The following PRMT8 variants were observed in gnomAD, a reference collection of about 807,000 sequenced individuals.
PRMT8 encodes protein arginine N-methyltransferase 8.
PRMT8 carries 7 observed loss-of-function variants against 47.1 expected under a neutral mutation model. The observed-to-expected ratio is 0.15, with a 90% confidence interval of 0.08 to 0.28. The LOEUF (loss-of-function observed/expected upper bound fraction) is 0.28, where lower values mean the gene tolerates loss of function less well. Ranked by LOEUF, PRMT8 falls within the 10% of genes least tolerant of loss-of-function variation. The pLI is 1.00. For synonymous variants in PRMT8, 188 were observed against 186.5 expected (o/e 1.01, Z -0.07); for missense variants, 237 against 505.4 (o/e 0.47, Z 5.09).
At chr12:3,423,788 CTG>C (rs2137063040) in intron 1 of PRMT8, among the ~76,000 whole-genome samples, 1 of 152,344 alleles carries the variant, frequency 6.6e-6, no homozygotes, top group South Asian at 2.1e-4. Flanking sequence ...CACCAAGTGA[CTG>C]TTTTTGTGGT....
chr12:3,569,703 G>A lies in PRMT8; in HGVS notation c.712+139G>A, dbSNP rs1866811408. 1.2e-5 allele frequency: 9 copies of A among 724,858 alleles called. No homozygotes were observed. Among genetic ancestry groups the A allele is most frequent in the East Asian group, 7.9e-5 (3 of 38,098 alleles). 44.9% of individuals were successfully genotyped at this position (724,858 alleles called of 1,614,324 possible). Reference sequence around the variant, plus strand: ...GAGGAGCTTATCTGGGACCCTTTCTGGAGTCTGCTCTCTAAATGTTTCTAT... The same window carrying A: ...GAGGAGCTTATCTGGGACCCTTTCTAGAGTCTGCTCTCTAAATGTTTCTAT... On this transcript the variant is annotated intron_variant, in intron 6 of 9. Coordinates refer to ENST00000382622, the MANE Select transcript of PRMT8 (RefSeq NM_019854.5). This position sits in a 1 kb window ranked among gnomAD's most constrained non-coding sequence, Gnocchi z 8.2.
chr12:3,540,848 T>A (rs1423193975), intron 2 of PRMT8, 57 bp downstream of exon 2: 1 of 1,539,606 alleles, frequency 6.5e-7, no homozygotes, highest in Non-Finnish European at 8.9e-7. Context: ...TGTTCTGTTG[T>A]TTTCAGAGGC....
At chr12:3,516,007 T>A (rs2335990) in intron 1 of PRMT8, among the ~76,000 whole-genome samples, 5 of 152,210 alleles carry the variant, frequency 3.3e-5, no homozygotes, top group African/African-American at 1.2e-4. Context: ...TGGCCTTGTG[T>A]ATAAAGTATC....
At chr12:3,553,829 G>A (rs1591599392) in intron 4 of PRMT8, 115 bp downstream of exon 4, 1 of 979,800 alleles carries the variant, frequency 1.0e-6, no homozygotes, top group South Asian at 1.4e-5. Flanking sequence ...GGGAGGTGGT[G>A]CACCCAGCTG....
chr12:3,583,182 G>A lies in PRMT8; in HGVS notation c.953G>A (p.Cys318Tyr). The A allele has an allele frequency of 6.2e-7, 1 of 1,613,280 alleles. No individual in the cohort carries two copies. Among genetic ancestry groups the A allele is most frequent in the Non-Finnish European group, 8.5e-7 (1 of 1,179,640 alleles). The change falls in exon 8 of 10, where the codon TGC becomes TAC. Residue 318 changes from cysteine to tyrosine, a missense_variant. Physicochemically the swap from Cys to Tyr is radical, Grantham distance 194. Coordinates refer to ENST00000382622, the MANE Select transcript of PRMT8 (RefSeq NM_019854.5). This position sits in a 1 kb window ranked among gnomAD's most constrained non-coding sequence, Gnocchi z 4.7. ...VTYFNIEFTK[C>Y]HKKMGFSTAP... ...TATTTTAATATTGAATTTACCAAGT[G>A]CCACAAGAAAATGGGGTTTTCCACA...
At chr12:3,400,364 T>C (rs1179640049) in intron 1 of PRMT8, among the ~76,000 whole-genome samples, 1 of 151,882 alleles carries the variant, frequency 6.6e-6, no homozygotes, top group Non-Finnish European at 1.5e-5. Flanking sequence ...CAAACAACCA[T>C]CAGAAAATAT....
intron 1 of PRMT8, among the ~76,000 whole-genome samples, chr12:3,422,682 AAC>A (rs1454293917): frequency 3.3e-5 from 5 of 152,236 alleles, no homozygotes; most frequent in African/African-American, 4.8e-5. Context: ...ATCTATAGAT[AAC>A]ACAAGCAGTT....
At chr12:3,491,028 G>A (rs899863184), upstream of PRMT8, among the ~76,000 whole-genome samples, 1 of 152,132 alleles carries the variant, frequency 6.6e-6, no homozygotes, top group Non-Finnish European at 1.5e-5. Context: ...CGTAAGTTGT[G>A]TGCAGCGCCA....
chr12:3,554,653 C>CCCCTTGAGGG (rs1866492227), intron 4 of PRMT8, among the ~76,000 whole-genome samples: 1 of 152,118 alleles, frequency 6.6e-6, no homozygotes, highest in Non-Finnish European at 1.5e-5. Flanking sequence ...GAGGGAAGGA[C>CCCCTTGAGGG]GTTCCCTTGA....
chr12:3,475,672 G>C lies in PRMT8; in HGVS notation c.49-64934G>C, dbSNP rs141205005. Among the ~76,000 whole-genome samples, 770 of 151,302 alleles carry C rather than the reference G, an allele frequency of 5.1e-3. 5 individuals carry two copies. The highest frequency in any genetic ancestry group is 0.017 in the African/African-American group (716 of 41,374). On this transcript the variant is annotated intron_variant, in intron 1 of 9. Coordinates refer to the PRMT8 transcript ENST00000452611. ...AACAGAAGTGGAGGCAGATTGCAAG[G>C]CCTCTGCAGATAGCTCCCCATTCCT... is the stretch of plus-strand genomic sequence containing the variant.
chr12:3,455,972 T>C (rs1486877827), intron 1 of PRMT8, among the ~76,000 whole-genome samples: 1 of 152,170 alleles, frequency 6.6e-6, no homozygotes, highest in Non-Finnish European at 1.5e-5. Context: ...CTCTGTCTCT[T>C]TGCTAGCTGT....
intron 1 of PRMT8, among the ~76,000 whole-genome samples, chr12:3,416,819 A>G (rs552957629): frequency 6.6e-6 from 1 of 152,222 alleles, no homozygotes; most frequent in Non-Finnish European, 1.5e-5. Flanking sequence ...GTCTGGAGAG[A>G]TTAGAAACTG....
upstream of PRMT8, among the ~76,000 whole-genome samples, chr12:3,490,751 C>T (rs1865379979): frequency 6.7e-6 from 1 of 149,008 alleles, no homozygotes; most frequent in South Asian, 2.1e-4. Context: ...ACACTTACCC[C>T]TAGAGTTGAA....
intron 1 of PRMT8, among the ~76,000 whole-genome samples, chr12:3,402,365 T>C (rs899947176): frequency 6.6e-6 from 1 of 152,158 alleles, no homozygotes; most frequent in African/African-American, 2.4e-5. Context: ...CCCAAAACTA[T>C]GAAAGCCATA....
At chr12:3,415,806 A>G (rs1174907689) in intron 1 of PRMT8, among the ~76,000 whole-genome samples, 1 of 152,184 alleles carries the variant, frequency 6.6e-6, no homozygotes, top group African/African-American at 2.4e-5. Flanking sequence ...AGGAGGCCAC[A>G]TGGCTTGCCA....
At position 3,538,499 on chromosome 12, in the gene PRMT8, G is replaced by A; in HGVS notation, c.76-2107G>A. 1 of 392,506 alleles carries A rather than the reference G, an allele frequency of 2.5e-6. No individual in the cohort carries two copies. The highest frequency in any genetic ancestry group is 1.9e-5 in the South Asian group (1 of 51,580). 24.3% of individuals were successfully genotyped at this position (392,506 alleles called of 1,614,324 possible). A position where few individuals can be genotyped will look rare whatever the true frequency, so the allele number is the denominator to read the frequency against. ...TTCCCACCCACTCCCAGCCTCCGGG[G>A]AGTCTTAGCCTGTGGAGTCCCAGGA... On this transcript the variant is annotated intron_variant, in intron 1 of 9. Transcript: ENST00000382622. The surrounding 1 kb of genome is among the most constrained non-coding windows in gnomAD (Gnocchi z 4.6).
intron 1 of PRMT8, among the ~76,000 whole-genome samples, chr12:3,455,999 C>A (rs1864970052): frequency 6.6e-6 from 1 of 152,136 alleles, no homozygotes; most frequent in Admixed American, 6.5e-5. Context: ...TAGGGCAAGT[C>A]CCTTAACTTC....
Position 3,438,041 on chromosome 12 carries a change from G to T in PRMT8, c.48+56599G>T, listed in dbSNP as rs1191452581. Among the ~76,000 whole-genome samples the T allele has an allele frequency of 3.3e-5, 5 of 152,274 alleles. No individual in the cohort carries two copies. In the East Asian group the frequency reaches 9.7e-4, roughly 29 times the overall value. Reference sequence around the variant, plus strand: ...CCTTGGAGAAATGCAGATCCAGCTTGCCCTGAGTCTACGATTCCTGCAGAA... The same window carrying T: ...CCTTGGAGAAATGCAGATCCAGCTTTCCCTGAGTCTACGATTCCTGCAGAA... On this transcript the variant is annotated intron_variant, in intron 1 of 9. Transcript: ENST00000452611.
rs959323378 is a variant in PRMT8 at position 3,453,753 on chromosome 12, C to T, written c.48+72311C>T. The stretch of plus-strand genomic sequence containing the variant: ...CCTGCGGCACCCTGTGGTCTGTGTC[C>T]TGACGTGGCCCGACTGTGGACCCCC... On this transcript the variant is annotated intron_variant, in intron 1 of 9. Transcript: ENST00000452611. This position sits in a 1 kb window ranked among gnomAD's most constrained non-coding sequence, Gnocchi z 4.9. 6.6e-6 allele frequency among the ~76,000 whole-genome samples: 1 copy of T among 151,968 alleles called. No individual in the cohort carries two copies. Among genetic ancestry groups the T allele is most frequent in the South Asian group, 2.1e-4 (1 of 4,816 alleles).
Sources: gnomAD v4.1 joint callset for allele counts (sites outside exome capture counted in the v4.1 genomes callset) on GRCh38, gnomAD v4.1.1 for gene constraint, Gnocchi (gnomAD v3.1) non-coding constraint, MANE v1.5 for transcripts, NCBI Gene and HGNC (gene_info 2026-07-23, HGNC 2026-07-21) for gene names.